The following MBD2 variants were observed in gnomAD, a reference collection of about 807,000 sequenced individuals.
The protein encoded by MBD2 is methyl-CpG binding domain protein 2.
A neutral mutation model predicts 39.3 loss-of-function variants in MBD2; 9 were observed. The observed-to-expected ratio is 0.23, with a 90% CI of 0.14 to 0.40. The LOEUF (loss-of-function observed/expected upper bound fraction) is 0.40, where lower values mean the gene tolerates loss of function less well. Ranked by LOEUF, MBD2 falls within the 10% of genes least tolerant of loss-of-function variation. The pLI, the probability that MBD2 is intolerant of heterozygous loss-of-function variation, is 1.00. For missense variants in MBD2, 458 were observed against 532.6 expected, an observed-to-expected ratio of 0.86 and a Z score of 1.38; for synonymous variants, 233 against 211.1, an observed-to-expected ratio of 1.10 and a Z score of -0.90.
rs1490183129 is a variant in MBD2, at chr18:54,156,674, G to A, written c.*13-1363C>T. 4.6e-5 allele frequency among the ~76,000 whole-genome samples: 7 copies of A among 152,054 alleles called. No homozygotes were observed. The East Asian group carries it at 1.3e-3, about 29-fold the overall frequency. On this transcript the variant is annotated intron_variant, in intron 6 of 6. Transcript: ENST00000256429. The stretch of plus-strand genomic sequence containing the variant: ...TCAAGACCAACCTGCCCAACATGGC[G>A]AAAACCGTCTCTAGAAAAAATACAA...
intron 1 of MBD2, among the ~76,000 whole-genome samples, chr18:54,208,908 G>A (rs1224360709): frequency 6.6e-6 from 1 of 152,160 alleles, no homozygotes; most frequent in African/African-American, 2.4e-5. Context: ...CTATACTCAC[G>A]AAATGTGATC....
At chr18:54,210,864 C>CTTTTT (rs1568092909) in intron 1 of MBD2, among the ~76,000 whole-genome samples, 1 of 137,606 alleles carries the variant, frequency 7.3e-6, no homozygotes, top group Non-Finnish European at 1.5e-5. Context: ...CATCAACTTT[C>CTTTTT]TATTTTTTTT....
rs2086299767 is a variant in MBD2, at chr18:54,188,681, ACTT to A, written c.840+190_840+192del. On this transcript the variant is annotated intron_variant, in intron 3 of 6. Transcript: ENST00000256429. ...ATATTATGAATTAGATTCATTATTA[ACTT>A]CTTAAATTTTTTCTTAAAAATATTT... 2.0e-5 allele frequency among the ~76,000 whole-genome samples: 3 copies of A among 152,342 alleles called. No homozygotes were observed. In the South Asian group the frequency reaches 6.2e-4, roughly 32 times the overall value.
rs1358064722 is a variant in MBD2, at chr18:54,154,698, T to C, written c.*626A>G. The C allele has an allele frequency of 6.6e-6, 1 of 152,458 alleles. No homozygotes were observed. The highest frequency in any genetic ancestry group is 1.5e-5 in the Non-Finnish European group (1 of 68,044). 9.4% of individuals were successfully genotyped at this position (152,458 alleles called of 1,614,324 possible). On this transcript the variant is annotated 3_prime_UTR_variant, in exon 7 of 7. Coordinates refer to ENST00000256429, the MANE Select transcript of MBD2 (RefSeq NM_003927.5). ...CACAACGTCCAGAGGCAATAGTTCA[T>C]ACTGCAAATATATGCGCTATCTTCC...
chr18:54,207,211 A>G (rs2086457585), intron 1 of MBD2, among the ~76,000 whole-genome samples: 1 of 152,062 alleles, frequency 6.6e-6, no homozygotes. Flanking sequence ...ACTCTAAATC[A>G]CCAAAATATG....
intron 1 of MBD2, among the ~76,000 whole-genome samples, chr18:54,215,191 C>A (rs925008971): frequency 2.6e-5 from 4 of 152,118 alleles, no homozygotes; most frequent in Admixed American, 6.6e-5. Context: ...CCAGGACAAC[C>A]AAAGTGTGGT....
At chr18:54,218,961 CAAA>C (rs113019638) in intron 1 of MBD2, among the ~76,000 whole-genome samples, 3 of 101,612 alleles carry the variant, frequency 3.0e-5, no homozygotes, top group Admixed American at 1.1e-4. Flanking sequence ...GACTCCGTCT[CAAA>C]AAAAAAAAAA....
At chr18:54,186,577 CTT>C (rs1371114159) in intron 3 of MBD2, among the ~76,000 whole-genome samples, 1 of 152,158 alleles carries the variant, frequency 6.6e-6, no homozygotes, top group Non-Finnish European at 1.5e-5. Context: ...TGAAAATTGT[CTT>C]TTTACTATTT....
chr18:54,191,531 T>A (rs1160085048), intron 2 of MBD2, among the ~76,000 whole-genome samples: 1 of 152,214 alleles, frequency 6.6e-6, no homozygotes, highest in South Asian at 2.1e-4. Context: ...CTGTGACTGA[T>A]TAGAAATGGC....
chr18:54,177,799 C>CT (rs1349710251), intron 3 of MBD2, among the ~76,000 whole-genome samples: 1 of 148,558 alleles, frequency 6.7e-6, no homozygotes, highest in Non-Finnish European at 1.5e-5. Flanking sequence ...CTGTAGGACA[C>CT]TAACAGGCAC....
At chr18:54,202,828 T>G in intron 2 of MBD2, 1 of 1,531,952 alleles carries the variant, frequency 6.5e-7, no homozygotes, top group Non-Finnish European at 9.0e-7. Flanking sequence ...CCTGCCCTCA[T>G]GGAGCTCACA....
Position 54,188,964 on chromosome 18 carries a change from T to C in MBD2, c.750A>G (p.Ser250=), listed in dbSNP as rs2086301172. ...CTTTGGTTACCGGTTGTTTGAAAAT[T>C]GATGCTGTTTGTCTAATTGGCAATG... ...NTTLPIRQTA[S]IFKQPVTKVT... is the part of the protein sequence containing the mutation. Residue 250 remains serine (S), a synonymous_variant, in exon 3 of 7, where the codon TCA becomes TCG. Transcript: ENST00000256429. 1 of 1,610,242 alleles carries C rather than the reference T, an allele frequency of 6.2e-7. No individual in the cohort carries two copies. The highest frequency in any genetic ancestry group is 1.7e-5 in the Admixed American group (1 of 59,994).
intron 2 of MBD2, among the ~76,000 whole-genome samples, chr18:54,190,825 C>T (rs1211331752): frequency 6.6e-6 from 1 of 152,056 alleles, no homozygotes; most frequent in South Asian, 2.1e-4. Flanking sequence ...ACTGAAGCTT[C>T]GTAAAGCCAT....
intron 3 of MBD2, among the ~76,000 whole-genome samples, chr18:54,180,629 A>T (rs916486158): frequency 1.3e-5 from 2 of 152,170 alleles, no homozygotes; most frequent in African/African-American, 4.8e-5. Context: ...AAATATGAAG[A>T]TAATTATAAA....
intron 2 of MBD2, among the ~76,000 whole-genome samples, chr18:54,192,686 A>C (rs1377941945): frequency 6.6e-6 from 1 of 152,210 alleles, no homozygotes; most frequent in Non-Finnish European, 1.5e-5. Flanking sequence ...GGATGACTGG[A>C]GGCAACTACT....
At chr18:54,211,143 T>A (rs914990016) in intron 1 of MBD2, among the ~76,000 whole-genome samples, 1 of 151,984 alleles carries the variant, frequency 6.6e-6, no homozygotes, top group Non-Finnish European at 1.5e-5. Flanking sequence ...AGTGCTGGGA[T>A]TACAGACGTG....
At chr18:54,158,921 C>T (rs1266548384) in intron 6 of MBD2, among the ~76,000 whole-genome samples, 1 of 152,190 alleles carries the variant, frequency 6.6e-6, no homozygotes, top group Non-Finnish European at 1.5e-5. Context: ...AGCCACCAAA[C>T]CCAGCCTAAA....
chr18:54,160,778 T>A (rs1368959292), intron 5 of MBD2, among the ~76,000 whole-genome samples: 1 of 150,108 alleles, frequency 6.7e-6, no homozygotes, highest in African/African-American at 2.5e-5. Context: ...GAAGCAAAGG[T>A]TGAAGAAAGA....
chr18:54,221,338 G>T (rs938636578), intron 1 of MBD2, among the ~76,000 whole-genome samples: 1 of 151,788 alleles, frequency 6.6e-6, no homozygotes, highest in Non-Finnish European at 1.5e-5. Context: ...GGCACCTGTA[G>T]TCCCAGCTAC....
Sources: allele counts gnomAD v4.1 joint callset (sites outside exome capture counted in the v4.1 genomes callset), GRCh38; gene constraint gnomAD v4.1.1; transcripts MANE v1.5; gene names NCBI Gene and HGNC (gene_info 2026-07-23, HGNC 2026-07-21).